The following DCC variants were observed in gnomAD, a reference collection of about 807,000 sequenced individuals.
DCC encodes netrin receptor DCC.
In DCC, 58 loss-of-function variants were observed where a neutral mutation model predicts 172.5. The ratio of observed to expected loss-of-function variants is 0.34; its 90% CI spans 0.27 to 0.42. The LOEUF (loss-of-function observed/expected upper bound fraction) is 0.42, where lower values mean the gene tolerates loss of function less well. Ranked by LOEUF, DCC falls within the 10% of genes least tolerant of loss-of-function variation. The probability of loss-of-function intolerance (pLI) is 1.00; values close to 1 mark genes in which losing one functional copy is unlikely to be tolerated. For missense variants in DCC, 1,740 were observed against 1,791.0 expected (o/e 0.97, Z 0.51); for synonymous variants, 709 against 644.5 (o/e 1.10, Z -1.52).
intron 1 of DCC, among the ~76,000 whole-genome samples, chr18:52,693,967 C>G (rs768551965): frequency 6.6e-6 from 1 of 152,056 alleles, no homozygotes; most frequent in Non-Finnish European, 1.5e-5. Context: ...GACTTAGTGA[C>G]TCATATGCAA....
rs2057418696 is a variant in DCC, at chr18:53,322,142, G to C, written c.2149G>C (p.Glu717Gln). ...CAACTGGTATACTGCAGAGACTCCA[G>C]AGAATGATCTAGATGGTAAGACTTT... is the stretch of plus-strand genomic sequence containing the variant. ...PSNWYTAETP[E>Q]NDLDESQVPD... The change falls in exon 14 of 29, where the codon GAG becomes CAG. Residue 717 changes from glutamate to glutamine, a missense_variant. This residue lies in a region of DCC where 1,732 missense variants were observed against 1,767.4 expected (regional missense o/e 0.98). Coordinates refer to ENST00000442544, the MANE Select transcript of DCC (RefSeq NM_005215.4). The C allele has an allele frequency of 1.3e-6, 2 of 1,540,734 alleles. No individual in the cohort carries two copies. Among genetic ancestry groups the C allele is most frequent in the African/African-American group, 2.7e-5 (2 of 73,556 alleles).
intron 2 of DCC, among the ~76,000 whole-genome samples, chr18:52,893,131 C>G (rs573428203): frequency 6.6e-6 from 1 of 152,118 alleles, no homozygotes; most frequent in African/African-American, 2.4e-5. Context: ...TCTACTGCAT[C>G]TTTGTATTGA....
At chr18:52,401,502 T>C (rs771995649) in intron 1 of DCC, among the ~76,000 whole-genome samples, 2 of 151,992 alleles carry the variant, frequency 1.3e-5, no homozygotes, top group African/African-American at 2.4e-5. Flanking sequence ...CACAACAAAC[T>C]GTGACTTAAG....
intron 9 of DCC, among the ~76,000 whole-genome samples, chr18:53,193,910 A>G (rs2055402795): frequency 2.0e-5 from 3 of 152,202 alleles, no homozygotes; most frequent in South Asian, 4.1e-4. Context: ...AAAAAAGATT[A>G]CTTGCTTCCT....
chr18:52,683,570 T>C (rs2035783407), intron 1 of DCC, among the ~76,000 whole-genome samples: 1 of 152,216 alleles, frequency 6.6e-6, no homozygotes, highest in Non-Finnish European at 1.5e-5. Flanking sequence ...CCATGGCCTA[T>C]TACCAAATGC....
chr18:53,265,707 A>G (rs537610610), intron 12 of DCC, among the ~76,000 whole-genome samples: 3 of 152,240 alleles, frequency 2.0e-5, no homozygotes, highest in Non-Finnish European at 4.4e-5. Flanking sequence ...GGATATGCAG[A>G]TGATGCAACA....
chr18:53,202,925 G>A (rs1040263862), intron 9 of DCC, among the ~76,000 whole-genome samples: 5 of 152,092 alleles, frequency 3.3e-5, no homozygotes, highest in African/African-American at 1.2e-4. Flanking sequence ...ATTTAGTACT[G>A]TTCCAACTCA....
chr18:52,382,286 C>T (rs1309746004), intron 1 of DCC, among the ~76,000 whole-genome samples: 1 of 152,094 alleles, frequency 6.6e-6, no homozygotes, highest in East Asian at 1.9e-4. Flanking sequence ...CCAAGAAACT[C>T]AGAACAGAGC....
chr18:52,440,398 G>A (rs1987937433), intron 1 of DCC, among the ~76,000 whole-genome samples: 1 of 152,140 alleles, frequency 6.6e-6, no homozygotes, highest in African/African-American at 2.4e-5. Flanking sequence ...TAATAAGTGA[G>A]CTCAATATTT....
intron 3 of DCC, among the ~76,000 whole-genome samples, chr18:52,907,354 T>C (rs543456314): frequency 7.0e-6 from 1 of 143,830 alleles, no homozygotes; most frequent in African/African-American, 2.7e-5. Flanking sequence ...ATATCATGTA[T>C]ATATGAATGA....
At chr18:53,246,945 T>C (rs2056371982) in intron 12 of DCC, among the ~76,000 whole-genome samples, 1 of 152,052 alleles carries the variant, frequency 6.6e-6, no homozygotes, top group African/African-American at 2.4e-5. Context: ...AGCCTATAAA[T>C]GATGGTTGGG....
At chr18:53,227,775 TG>T (rs2056057394) in intron 12 of DCC, among the ~76,000 whole-genome samples, 1 of 152,214 alleles carries the variant, frequency 6.6e-6, no homozygotes, top group Non-Finnish European at 1.5e-5. Flanking sequence ...TTCTTTTTTT[TG>T]TAGTAATGCA....
At position 53,073,902 on chromosome 18, in the gene DCC, A is replaced by G. The variant is rs1344075436; in HGVS notation, c.1261+7736A>G. Among the ~76,000 whole-genome samples the G allele has an allele frequency of 8.6e-5, 13 of 151,070 alleles. No homozygotes were observed. In the East Asian group the frequency reaches 2.5e-3, roughly 29 times the overall value. On this transcript the variant is annotated intron_variant, in intron 7 of 28. Transcript: ENST00000442544. ...AAGGAATATACTAATAAAATTGTATATATATTATAATATAATTACATTATA... is the reference window on the plus strand; with the variant it reads ...AAGGAATATACTAATAAAATTGTATGTATATTATAATATAATTACATTATA...
chr18:52,955,030 TAATC>T (rs960955465), intron 5 of DCC, among the ~76,000 whole-genome samples: 2 of 152,164 alleles, frequency 1.3e-5, no homozygotes, highest in Non-Finnish European at 2.9e-5. Context: ...GCATTCGTGA[TAATC>T]AATAAACCTA....
chr18:52,519,749 A>T (rs2031750598), intron 1 of DCC, among the ~76,000 whole-genome samples: 1 of 152,208 alleles, frequency 6.6e-6, no homozygotes, highest in Admixed American at 6.5e-5. Context: ...CTGAGGATGG[A>T]AATAATAGGA....
chr18:52,838,974 A>G (rs2145313217), intron 2 of DCC, among the ~76,000 whole-genome samples: 2 of 152,334 alleles, frequency 1.3e-5, no homozygotes, highest in Admixed American at 1.3e-4. Flanking sequence ...ATGGAAATCA[A>G]TGTTATTTTT....
At chr18:52,478,522 A>T (rs1485628838) in intron 1 of DCC, among the ~76,000 whole-genome samples, 1 of 152,180 alleles carries the variant, frequency 6.6e-6, no homozygotes, top group African/African-American at 2.4e-5. Context: ...TCATTGCTAT[A>T]AAGAAATACC....
intron 21 of DCC, among the ~76,000 whole-genome samples, chr18:53,419,746 A>T (rs1282992064): frequency 1.3e-5 from 2 of 152,142 alleles, no homozygotes; most frequent in African/African-American, 2.4e-5. Flanking sequence ...AAGCTCAGAG[A>T]GATGTTATTT....
rs528048225 is a variant in DCC, at chr18:52,708,155, A to T, written c.92-43899A>T. 4.6e-5 allele frequency among the ~76,000 whole-genome samples: 7 copies of T among 152,206 alleles called. No homozygotes were observed. In the East Asian group the frequency reaches 5.8e-4, roughly 13 times the overall value. ...GTCAATTTAAAAAGTAGGAAAAAAA[A>T]TTTTGGCTGGGCACAGTGGCTCACG... is the stretch of plus-strand genomic sequence containing the variant. On this transcript the variant is annotated intron_variant, in intron 1 of 28. Transcript: ENST00000442544.
Sources: gnomAD v4.1 joint callset for allele counts (sites outside exome capture counted in the v4.1 genomes callset) on GRCh38, gnomAD v4.1.1 for gene constraint, gnomAD v4.1.1 regional missense constraint, MANE v1.5 for transcripts, NCBI Gene and HGNC (gene_info 2026-07-23, HGNC 2026-07-21) for gene names.